Variants in HECTD2 observed in about 807,000 individuals in gnomAD.
HECTD2 encodes probable E3 ubiquitin-protein ligase HECTD2.
A neutral mutation model predicts 103.2 loss-of-function variants in HECTD2; 35 were observed. That is an observed-to-expected ratio of 0.34 (90% CI 0.26 to 0.45). The LOEUF (loss-of-function observed/expected upper bound fraction) is 0.45. Ranked by LOEUF, HECTD2 falls within the 20% of genes least tolerant of loss-of-function variation. The probability of loss-of-function intolerance (pLI) is 1.00; values close to 1 mark genes in which losing one functional copy is unlikely to be tolerated. For synonymous variants in HECTD2, 281 were observed against 329.9 expected, an observed-to-expected ratio of 0.85 and a Z score of 1.61; for missense variants, 596 against 937.4, an observed-to-expected ratio of 0.64 and a Z score of 4.76.
intron 2 of HECTD2, among the ~76,000 whole-genome samples, chr10:91,431,423 G>C (rs1430094583): frequency 6.6e-6 from 1 of 152,020 alleles, no homozygotes; most frequent in East Asian, 1.9e-4. Context: ...CTGAATGTTG[G>C]CCTGCCTTGC....
chr10:91,508,159 C>T (rs1188580637), intron 20 of HECTD2, among the ~76,000 whole-genome samples: 71 of 119,130 alleles, frequency 6.0e-4, no homozygotes, highest in Non-Finnish European at 9.2e-4. Flanking sequence ...GACCTAAAAC[C>T]ATAAAAACCC....
chr10:91,423,078 A>G (rs906475883), intron 1 of HECTD2, among the ~76,000 whole-genome samples: 5 of 152,194 alleles, frequency 3.3e-5, no homozygotes, highest in African/African-American at 9.6e-5. Context: ...ATACATCTAT[A>G]AAAGTAGAGA....
At chr10:91,445,839 C>T (rs555288864) in intron 2 of HECTD2, among the ~76,000 whole-genome samples, 15 of 152,202 alleles carry the variant, frequency 9.9e-5, no homozygotes, top group Admixed American at 6.5e-4. Flanking sequence ...CCCTGAGGAA[C>T]GGTGCACTCC....
chr10:91,506,393 A>T (rs1210152532), intron 20 of HECTD2, among the ~76,000 whole-genome samples: 1 of 151,910 alleles, frequency 6.6e-6, no homozygotes, highest in Non-Finnish European at 1.5e-5. Flanking sequence ...TAATAAAGAA[A>T]AAAAGAGAGA....
intron 1 of HECTD2, among the ~76,000 whole-genome samples, chr10:91,416,965 C>A (rs1221950435): frequency 6.6e-6 from 1 of 152,118 alleles, no homozygotes; most frequent in Admixed American, 6.6e-5. Context: ...AAAGAAAGAG[C>A]CTTCAAAAGG....
upstream of HECTD2, among the ~76,000 whole-genome samples, chr10:91,409,990 C>T (rs1290078548): frequency 6.6e-6 from 1 of 152,200 alleles, no homozygotes; most frequent in Non-Finnish European, 1.5e-5. Flanking sequence ...CAGGGCTCGA[C>T]TTGTCTCCCC....
intron 20 of HECTD2, among the ~76,000 whole-genome samples, chr10:91,503,462 C>T (rs911820172): frequency 6.6e-6 from 1 of 152,152 alleles, no homozygotes; most frequent in Admixed American, 6.5e-5. Flanking sequence ...TTGCCTCACT[C>T]GGGAAGCGCA....
At chr10:91,411,625 T>C (rs1490285820) in intron 1 of HECTD2, among the ~76,000 whole-genome samples, 2 of 152,222 alleles carry the variant, frequency 1.3e-5, no homozygotes, top group Non-Finnish European at 2.9e-5. Context: ...TCGGATTCGG[T>C]AGGTTTTTCA....
At chr10:91,500,871 C>G (rs1259284582) in intron 19 of HECTD2, among the ~76,000 whole-genome samples, 2 of 152,052 alleles carry the variant, frequency 1.3e-5, no homozygotes, top group Non-Finnish European at 2.9e-5. Flanking sequence ...GACTTTGCTC[C>G]TAGAATTTCA....
Position 91,487,683 on chromosome 10 carries a change from T to C in HECTD2, c.1096T>C (p.Phe366Leu). Residue 366 changes from phenylalanine (F) to leucine (L), a missense_variant and splice_region_variant, in exon 11 of 21, where the codon TTT becomes CTT. Physicochemically the swap from Phe to Leu is conservative, Grantham distance 22 (BLOSUM62 0). Around this residue, in one of 4 missense-constraint regions of HECTD2, gnomAD observed 303 missense variants for 522.5 expected, o/e 0.58. Coordinates refer to ENST00000298068, the MANE Select transcript of HECTD2 (RefSeq NM_182765.6). This position sits in a 1 kb window ranked among gnomAD's most constrained non-coding sequence, Gnocchi z 4.1. ...TWQNFGNSHR[F>L]SFCQYPFVIS... ...TTCTTTTTTTCACTTGTTGAGCAGG[T>C]TTTCCTTCTGTCAGTACCCATTCGT... The C allele has an allele frequency of 6.2e-7, 1 of 1,606,300 alleles. No homozygotes were observed. The highest frequency in any genetic ancestry group is 8.5e-7 in the Non-Finnish European group (1 of 1,173,154).
intron 6 of HECTD2, among the ~76,000 whole-genome samples, 194 bp downstream of exon 6, chr10:91,478,459 A>C (rs778111898): frequency 2.8e-4 from 42 of 152,328 alleles, no homozygotes; most frequent in Non-Finnish European, 3.5e-4. Context: ...TCTCAGTAGG[A>C]TCTATAGATG....
intron 2 of HECTD2, among the ~76,000 whole-genome samples, chr10:91,443,518 C>A (rs1037858242): frequency 1.2e-4 from 18 of 152,076 alleles, no homozygotes; most frequent in Non-Finnish European, 2.2e-4. Flanking sequence ...TGTTGGTCAA[C>A]CCCTGCTGGG....
chr10:91,506,253 A>G (rs555722638), intron 20 of HECTD2, among the ~76,000 whole-genome samples: 7,389 of 151,510 alleles, frequency 0.049, 251 homozygotes, highest in African/African-American at 0.14. Flanking sequence ...AGCTAGCAGA[A>G]GGCAAGAAAT....
At chr10:91,461,012 C>T (rs1038204650) in intron 3 of HECTD2, among the ~76,000 whole-genome samples, 14 of 151,642 alleles carry the variant, frequency 9.2e-5, no homozygotes, top group Non-Finnish European at 1.8e-4. Context: ...AAGGAAGGAG[C>T]GATAATTGAG....
intron 2 of HECTD2, among the ~76,000 whole-genome samples, chr10:91,426,015 AATATG>A (rs1349126652): frequency 6.6e-6 from 1 of 152,056 alleles, no homozygotes; most frequent in Admixed American, 6.6e-5. Context: ...TATTAAGAAG[AATATG>A]ATATGTATGT....
In HECTD2 at chr10:91,470,994, A is replaced by G. The variant is rs11186577; in HGVS notation, c.601-7207A>G. 2.8e-3 allele frequency among the ~76,000 whole-genome samples: 411 copies of G among 144,796 alleles called. 2 individuals carry two copies. Among genetic ancestry groups the G allele is most frequent in the African/African-American group, 0.011 (392 of 34,748 alleles). The allele number at this position is 144,796 out of a possible 152,430, so 95.0% of individuals were successfully genotyped here. A position where few individuals can be genotyped will look rare whatever the true frequency, so the allele number is the denominator to read the frequency against. On this transcript the variant is annotated intron_variant, in intron 5 of 20. Transcript: ENST00000298068. ...CAGAGACACACACACACACACGCAC[A>G]CACACACAGACACACACGCACACAC...
chr10:91,468,290 C>G (rs1185192873), intron 5 of HECTD2, among the ~76,000 whole-genome samples: 1 of 152,182 alleles, frequency 6.6e-6, no homozygotes, highest in African/African-American at 2.4e-5. Flanking sequence ...CCCAGGAGTG[C>G]TGAGCTGAGC....
chr10:91,445,167 A>G (rs1047768800), intron 2 of HECTD2, among the ~76,000 whole-genome samples: 10 of 152,138 alleles, frequency 6.6e-5, no homozygotes, highest in Non-Finnish European at 1.0e-4. Context: ...GCTTTCTACA[A>G]CTACACCCGA....
chr10:91,425,744 A>G (rs559861232), intron 2 of HECTD2, among the ~76,000 whole-genome samples: 2 of 151,600 alleles, frequency 1.3e-5, no homozygotes, highest in South Asian at 4.1e-4. Context: ...ATAATCAATT[A>G]GAAGACTTTA....
Sources: allele counts gnomAD v4.1 joint callset (sites outside exome capture counted in the v4.1 genomes callset), GRCh38; gene constraint gnomAD v4.1.1; regional missense constraint gnomAD v4.1.1; non-coding constraint Gnocchi (gnomAD v3.1); transcripts MANE v1.5; gene names NCBI Gene and HGNC (gene_info 2026-07-23, HGNC 2026-07-21).